PLSCR5: variants seen among roughly 807,000 people sequenced by gnomAD.
The protein encoded by PLSCR5 is phospholipid scramblase family member 5.
A neutral mutation model predicts 33.6 loss-of-function variants in PLSCR5; 44 were observed. The observed-to-expected ratio is 1.31, with a 90% CI of 1.03 to 1.69. The LOEUF is 1.69. Among genes scored for constraint, PLSCR5 ranks in the 40% most tolerant of loss-of-function variants. The pLI, the probability that PLSCR5 is intolerant of heterozygous loss-of-function variation, is 0.00. For missense variants in PLSCR5, 375 were observed against 318.7 expected (o/e 1.18, Z -1.34); for synonymous variants, 148 against 112.3 (o/e 1.32, Z -2.01).
intron 2 of PLSCR5, among the ~76,000 whole-genome samples, chr3:146,599,916 G>T (rs961593271): frequency 6.6e-6 from 1 of 151,852 alleles, no homozygotes; most frequent in Admixed American, 6.6e-5. Context: ...CACATGCCAT[G>T]GGCTCCCAAA....
chr3:146,577,938 A>T (rs1382776635), intron 7 of PLSCR5, among the ~76,000 whole-genome samples: 1 of 152,162 alleles, frequency 6.6e-6, no homozygotes, highest in Non-Finnish European at 1.5e-5. Flanking sequence ...CTGGATTTTA[A>T]AAAGTAACAA....
At chr3:146,597,842 AGTT>A (rs368985539) in intron 2 of PLSCR5, among the ~76,000 whole-genome samples, 1 of 152,178 alleles carries the variant, frequency 6.6e-6, no homozygotes, top group Non-Finnish European at 1.5e-5. Context: ...AAAAAAATCA[AGTT>A]GACAGGTATC....
chr3:146,596,011 A>T (rs2044757687), intron 2 of PLSCR5, among the ~76,000 whole-genome samples: 1 of 152,234 alleles, frequency 6.6e-6, no homozygotes, highest in Non-Finnish European at 1.5e-5. Flanking sequence ...AATAAATGTT[A>T]TGGCACTAAA....
chr3:146,601,876 G>A (rs1320392889), intron 1 of PLSCR5, among the ~76,000 whole-genome samples: 1 of 151,980 alleles, frequency 6.6e-6, no homozygotes, highest in African/African-American at 2.4e-5. Flanking sequence ...GAAAACTCAA[G>A]CATATTCTGC....
At chr3:146,577,876 A>G (rs2044608678) in intron 7 of PLSCR5, among the ~76,000 whole-genome samples, 1 of 152,158 alleles carries the variant, frequency 6.6e-6, no homozygotes, top group African/African-American at 2.4e-5. Context: ...TGTTGCTGCC[A>G]TCTGCAGCAT....
At chr3:146,578,642 G>A (rs2044614364) in intron 7 of PLSCR5, among the ~76,000 whole-genome samples, 1 of 152,034 alleles carries the variant, frequency 6.6e-6, no homozygotes, top group Non-Finnish European at 1.5e-5. Flanking sequence ...CTTATAATGT[G>A]TGGCACTGGA....
At chr3:146,592,900 A>G (rs939033928) in intron 4 of PLSCR5, among the ~76,000 whole-genome samples, 4 of 152,168 alleles carry the variant, frequency 2.6e-5, no homozygotes, top group Admixed American at 1.3e-4. Flanking sequence ...GGGGCATATT[A>G]ATATTAAATA....
intron 2 of PLSCR5, 71 bp from the exon 3 acceptor site, chr3:146,595,154 G>T (rs6787813): frequency 0.27 from 225,033 of 840,694 alleles, 31,108 homozygotes; most frequent in African/African-American, 0.36. Flanking sequence ...GATACTACTA[G>T]TACCCTATTT....
intron 7 of PLSCR5, among the ~76,000 whole-genome samples, chr3:146,578,021 A>G (rs903530321): frequency 6.6e-6 from 1 of 152,168 alleles, no homozygotes; most frequent in Admixed American, 6.6e-5. Context: ...AATATGGTAT[A>G]GTTTAAAACA....
At position 146,600,434 on chromosome 3, in the gene PLSCR5, C is replaced by T. The variant is rs779543947; in HGVS notation, c.43G>A (p.Gly15Ser). 6 of 1,601,220 alleles carry T rather than the reference C, an allele frequency of 3.7e-6. No individual in the cohort carries two copies. The highest frequency in any genetic ancestry group is 1.1e-5 in the South Asian group (1 of 89,438). The change falls in exon 2 of 8, where the codon GGT becomes AGT. Residue 15 changes from glycine to serine, a missense_variant. Physicochemically the swap from Gly to Ser is moderately conservative, Grantham distance 56. Coordinates refer to ENST00000443512, the MANE Select transcript of PLSCR5 (RefSeq NM_001085420.2). ...GGGTCTGGAGCTCCAGGAAGAAAAC[C>T]AGGCAGACCTCTTCTTTGGTTCTGG... Reference protein sequence around the residue: ...DAQNQRRGLPGFLPGAPDPDQ... With the variant: ...DAQNQRRGLPSFLPGAPDPDQ...
At chr3:146,578,497 G>C (rs2044613466) in intron 7 of PLSCR5, among the ~76,000 whole-genome samples, 1 of 151,994 alleles carries the variant, frequency 6.6e-6, no homozygotes, top group Admixed American at 6.6e-5. Context: ...TATTTTAAAA[G>C]TGATTTCCTT....
chr3:146,594,917 G>T, intron 3 of PLSCR5, 124 bp downstream of exon 3: 7 of 476,466 alleles, frequency 1.5e-5, no homozygotes, highest in Non-Finnish European at 2.4e-5. Context: ...TACTCTTTTT[G>T]ATCTAATTCT....
chr3:146,581,563 T>A (rs1290277841), downstream of PLSCR5, among the ~76,000 whole-genome samples: 1 of 152,202 alleles, frequency 6.6e-6, no homozygotes, highest in African/African-American at 2.4e-5. Context: ...TGGAGCCTAG[T>A]ACATAGAAGT....
chr3:146,590,256 T>A (rs1311216165), intron 5 of PLSCR5: 2 of 152,330 alleles, frequency 1.3e-5, no homozygotes, highest in Non-Finnish European at 2.9e-5. Flanking sequence ...TAAATTAATT[T>A]CTAGGCATAA....
At chr3:146,577,274 C>T (rs1351895209) in intron 7 of PLSCR5, among the ~76,000 whole-genome samples, 1 of 152,024 alleles carries the variant, frequency 6.6e-6, no homozygotes, top group East Asian at 1.9e-4. Flanking sequence ...GCATTTGTAT[C>T]CATTCTTAGA....
At chr3:146,592,148 C>G (rs186993402) in intron 4 of PLSCR5, among the ~76,000 whole-genome samples, 338 of 152,170 alleles carry the variant, frequency 2.2e-3, no homozygotes, top group Non-Finnish European at 3.6e-3. Context: ...CCACGACTAT[C>G]TTCTGACCCT....
At chr3:146,581,300 T>C (rs2044631484), downstream of PLSCR5, among the ~76,000 whole-genome samples, 1 of 152,232 alleles carries the variant, frequency 6.6e-6, no homozygotes, top group South Asian at 2.1e-4. Context: ...GTTTTAGATA[T>C]TGAGTGGTAG....
chr3:146,601,844 A>G (rs1293373105), intron 1 of PLSCR5, among the ~76,000 whole-genome samples: 2 of 152,040 alleles, frequency 1.3e-5, no homozygotes, highest in Non-Finnish European at 2.9e-5. Context: ...TCCTTTGGTG[A>G]TAGTAAATTT....
At chr3:146,593,017 T>C (rs772857679) in intron 4 of PLSCR5, among the ~76,000 whole-genome samples, 17 of 152,144 alleles carry the variant, frequency 1.1e-4, no homozygotes, top group Non-Finnish European at 1.8e-4. Context: ...TTAGCTTTGA[T>C]ATATGTTATT....
Sources: gnomAD v4.1 joint callset for allele counts (sites outside exome capture counted in the v4.1 genomes callset) on GRCh38, gnomAD v4.1.1 for gene constraint, MANE v1.5 for transcripts, NCBI Gene and HGNC (gene_info 2026-07-23, HGNC 2026-07-21) for gene names.